The following REC114 variants were observed in gnomAD, a reference collection of about 807,000 sequenced individuals.
REC114 encodes the protein meiotic recombination protein REC114.
A neutral mutation model predicts 31.3 loss-of-function variants in REC114; 27 were observed. The observed-to-expected ratio is 0.86, with a 90% CI of 0.64 to 1.19. The LOEUF (loss-of-function observed/expected upper bound fraction) is 1.19, where lower values mean the gene tolerates loss of function less well. Among genes scored for constraint, REC114 ranks in the 50% most tolerant of loss-of-function variants. The probability of loss-of-function intolerance (pLI) is 0.00; values close to 1 mark genes in which losing one functional copy is unlikely to be tolerated. For missense variants in REC114, 344 were observed against 326.9 expected, an observed-to-expected ratio of 1.05 and a Z score of -0.40; for synonymous variants, 134 against 127.7, an observed-to-expected ratio of 1.05 and a Z score of -0.33.
rs60241454 is a variant in REC114, at chr15:73,447,648, AAAATAAAT to A, written c.159+4338_159+4345del. Among the ~76,000 whole-genome samples the A allele has an allele frequency of 6.1e-4, 88 of 143,402 alleles. 1 individual carries two copies. The highest frequency in any genetic ancestry group is 2.3e-3 in the South Asian group (10 of 4,428). The allele number at this position is 143,402 out of a possible 152,430, so 94.1% of individuals were successfully genotyped here. ...GGGCAACAGAGTGAGACTCTGTCTC[AAAATAAAT>A]AAATAAATAAATAAATAAATAAATA... On this transcript the variant is annotated intron_variant, in intron 1 of 5. Coordinates refer to ENST00000331090, the MANE Select transcript of REC114 (RefSeq NM_001042367.2).
At chr15:73,483,006 CTTA>C (rs1294038894) in intron 2 of REC114, among the ~76,000 whole-genome samples, 1 of 151,616 alleles carries the variant, frequency 6.6e-6, no homozygotes, top group African/African-American at 2.4e-5. Context: ...CTTGCCAATG[CTTA>C]TTATTTTCTG....
At chr15:73,463,913 G>C (rs1893022907) in intron 1 of REC114, among the ~76,000 whole-genome samples, 1 of 152,098 alleles carries the variant, frequency 6.6e-6, no homozygotes, top group Admixed American at 6.5e-5. Flanking sequence ...ATGGAATTCA[G>C]GAATTTAATC....
intron 2 of REC114, among the ~76,000 whole-genome samples, chr15:73,535,119 C>G (rs921282534): frequency 7.1e-6 from 1 of 141,204 alleles, no homozygotes; most frequent in Non-Finnish European, 1.5e-5. Context: ...AAAACTGGCA[C>G]AAGACAGGGA....
chr15:73,539,337 C>T (rs957175633), intron 2 of REC114, among the ~76,000 whole-genome samples: 3 of 122,454 alleles, frequency 2.4e-5, no homozygotes, highest in Non-Finnish European at 3.2e-5. Flanking sequence ...GTCCCCCAGA[C>T]TGGAGTGCAG....
chr15:73,553,362 C>A (rs1894418754), intron 4 of REC114, among the ~76,000 whole-genome samples: 1 of 152,134 alleles, frequency 6.6e-6, no homozygotes, highest in Non-Finnish European at 1.5e-5. Context: ...ATATTCAGCT[C>A]CTGCTATATT....
intron 2 of REC114, among the ~76,000 whole-genome samples, chr15:73,474,630 C>T (rs1309527196): frequency 6.6e-6 from 1 of 152,064 alleles, no homozygotes; most frequent in Non-Finnish European, 1.5e-5. Context: ...CATAATTTAA[C>T]AAATATTTAT....
intron 4 of REC114, among the ~76,000 whole-genome samples, chr15:73,555,467 A>T (rs1894452530): frequency 6.6e-6 from 1 of 152,138 alleles, no homozygotes; most frequent in Non-Finnish European, 1.5e-5. Flanking sequence ...CCCGAGAACA[A>T]CTTATTACCA....
intron 2 of REC114, among the ~76,000 whole-genome samples, chr15:73,490,561 C>T (rs1005029410): frequency 4.6e-5 from 7 of 152,222 alleles, no homozygotes; most frequent in African/African-American, 9.6e-5. Flanking sequence ...ATTAGCCAGG[C>T]ATGGTGGCAT....
intron 2 of REC114, among the ~76,000 whole-genome samples, chr15:73,475,072 C>G (rs535930873): frequency 1.3e-5 from 2 of 152,278 alleles, no homozygotes; most frequent in African/African-American, 4.8e-5. Flanking sequence ...ATACCTAGTG[C>G]ACAGTTAGTT....
intron 2 of REC114, among the ~76,000 whole-genome samples, chr15:73,474,857 A>T (rs1003527840): frequency 3.9e-5 from 6 of 152,168 alleles, no homozygotes; most frequent in Non-Finnish European, 8.8e-5. Context: ...GTATGTTGTG[A>T]TGATTCATAT....
chr15:73,553,640 A>C (rs1310992366), intron 4 of REC114, among the ~76,000 whole-genome samples: 1 of 152,204 alleles, frequency 6.6e-6, no homozygotes, highest in Non-Finnish European at 1.5e-5. Context: ...AAATGCAAAT[A>C]AATTGAAGTT....
intron 3 of REC114, among the ~76,000 whole-genome samples, chr15:73,546,771 G>A (rs1482042107): frequency 1.0e-4 from 15 of 145,100 alleles, no homozygotes; most frequent in Admixed American, 3.5e-4. Context: ...CCGAGATTGT[G>A]TCATTGCACT....
chr15:73,481,379 G>C (rs887673341), intron 2 of REC114, among the ~76,000 whole-genome samples: 5 of 152,024 alleles, frequency 3.3e-5, no homozygotes, highest in Admixed American at 6.6e-5. Context: ...TATAGCACCT[G>C]CATTCAACTG....
chr15:73,499,512 C>T (rs924270301), intron 2 of REC114, among the ~76,000 whole-genome samples: 17 of 152,014 alleles, frequency 1.1e-4, no homozygotes, highest in Admixed American at 7.9e-4. Flanking sequence ...TCTTTATTAC[C>T]GTTACCTCAG....
At chr15:73,491,158 A>G (rs1229201563) in intron 2 of REC114, among the ~76,000 whole-genome samples, 1 of 74,070 alleles carries the variant, frequency 1.4e-5, no homozygotes, top group Non-Finnish European at 3.0e-5. Flanking sequence ...ATGAACATTT[A>G]TATATAAGTC....
At position 73,550,847 on chromosome 15, in the gene REC114, C is replaced by T. The variant is rs568410222; in HGVS notation, c.334-91C>T. The T allele has an allele frequency of 4.9e-4, 604 of 1,220,332 alleles. 3 individuals are homozygous for T. The African/African-American group carries it at 6.9e-3, about 14-fold the overall frequency. The allele number at this position is 1,220,332 out of a possible 1,614,324, so 75.6% of individuals were successfully genotyped here. ...GTTCCCTTATCTATACCTCTTCCTCCGCCAAGCAAAGGAAACACTCAGTGG... is the reference window on the plus strand; with the variant it reads ...GTTCCCTTATCTATACCTCTTCCTCTGCCAAGCAAAGGAAACACTCAGTGG... On this transcript the variant is annotated intron_variant, in intron 3 of 5. Transcript: ENST00000331090.
intron 2 of REC114, among the ~76,000 whole-genome samples, chr15:73,486,717 C>T (rs1893375988): frequency 6.6e-6 from 1 of 152,056 alleles, no homozygotes; most frequent in Non-Finnish European, 1.5e-5. Flanking sequence ...CTGCGGTATC[C>T]TTACATACAG....
At position 73,457,994 on chromosome 15, in the gene REC114, C is replaced by T. The variant is rs900191798; in HGVS notation, c.159+14650C>T. ...AAGATTCCTCCTGGTGAGCAGACAA[C>T]TTTCATCAGTCTTTTGGGGTGCTTC... On this transcript the variant is annotated intron_variant, in intron 1 of 5. Transcript: ENST00000331090. Among the ~76,000 whole-genome samples the T allele has an allele frequency of 6.6e-5, 10 of 152,274 alleles. 1 individual carries two copies. The South Asian group carries it at 1.7e-3, about 25-fold the overall frequency.
Position 73,559,969 on chromosome 15 carries a change from C to CGGAACTGAAAAAGCTGGCGGGTT in REC114, c.*53_*54insGGAACTGAAAAAGCTGGCGGGTT. 2 of 1,434,648 alleles carry CGGAACTGAAAAAGCTGGCGGGTT rather than the reference C, an allele frequency of 1.4e-6. No homozygotes were observed. Among genetic ancestry groups the CGGAACTGAAAAAGCTGGCGGGTT allele is most frequent in the Non-Finnish European group, 1.9e-6 (2 of 1,067,078 alleles). 88.9% of individuals were successfully genotyped at this position (1,434,648 alleles called of 1,614,324 possible). ...ACTTCAAAGTATTGAAAAATGCTTC[C>CGGAACTGAAAAAGCTGGCGGGTT]TCCTAAAATTAAAGAAGATATTAGA... On this transcript the variant is annotated 3_prime_UTR_variant, in exon 6 of 6. Transcript: ENST00000331090.
Sources: gnomAD v4.1 joint callset for allele counts (sites outside exome capture counted in the v4.1 genomes callset) on GRCh38, gnomAD v4.1.1 for gene constraint, MANE v1.5 for transcripts, NCBI Gene and HGNC (gene_info 2026-07-23, HGNC 2026-07-21) for gene names.